The following CENPE variants were observed in gnomAD, a reference collection of about 807,000 sequenced individuals.
CENPE encodes centromere-associated protein E.
A neutral mutation model predicts 336.1 loss-of-function variants in CENPE; 145 were observed. The ratio of observed to expected loss-of-function variants is 0.43; its 90% CI spans 0.38 to 0.50. The LOEUF is 0.50. Among genes scored for constraint, CENPE ranks in the 20% least tolerant of loss-of-function variants. The pLI is 0.00. For synonymous variants in CENPE, 1,013 were observed against 984.8 expected, an observed-to-expected ratio of 1.03 and a Z score of -0.54; for missense variants, 2,719 against 3,023.3, an observed-to-expected ratio of 0.90 and a Z score of 2.36.
At chr4:103,181,587 A>G (rs1756332235) in intron 11 of CENPE, 131 bp from the exon 12 acceptor site, 1 of 648,166 alleles carries the variant, frequency 1.5e-6, no homozygotes, top group African/African-American at 1.9e-5. Flanking sequence ...AATACTTTTG[A>G]ACAAAGGGAA....
At chr4:103,139,712 T>G (rs1752372784) in intron 38 of CENPE, 77 bp downstream of exon 38, 1 of 1,323,870 alleles carries the variant, frequency 7.6e-7, no homozygotes, top group African/African-American at 1.5e-5. Flanking sequence ...GAGAAAGAAA[T>G]AAAAACATTG....
Position 103,159,266 on chromosome 4 carries a change from G to C in CENPE, c.2345C>G (p.Ser782Cys), listed in dbSNP as rs892824658. 1 of 1,586,168 alleles carries C rather than the reference G, an allele frequency of 6.3e-7. No homozygotes were observed. Among genetic ancestry groups the C allele is most frequent in the Non-Finnish European group, 8.6e-7 (1 of 1,168,726 alleles). Residue 782 changes from serine to cysteine, a missense_variant, in exon 22 of 49, where the codon TCT becomes TGT. Ser to Cys is a moderately radical substitution (Grantham distance 112). Transcript: ENST00000265148. Reference sequence around the variant, plus strand: ...TCTACTCTCCTTATGAACTACTTCAGAAAACAATTTATCTTTTTCTGATGT... The same window carrying C: ...TCTACTCTCCTTATGAACTACTTCACAAAACAATTTATCTTTTTCTGATGT... Reference protein sequence around the residue: ...IITSEKDKLFSEVVHKESRVQ... With the variant: ...IITSEKDKLFCEVVHKESRVQ...
At position 103,176,984 on chromosome 4, in the gene CENPE, G is replaced by A; in HGVS notation, c.1305C>T (p.Asn435=). Residue 435 remains asparagine (N), a synonymous_variant, in exon 14 of 49, where the codon AAC becomes AAT. Coordinates refer to ENST00000265148, the MANE Select transcript of CENPE (RefSeq NM_001813.3). ...LGKINKMKNS[N]YADQFNIPTN... ...TTGGTATATTAAATTGATCTGCATA[G>A]TTTGAGTTCTTCATTTTGTTAATTT... 6.2e-7 allele frequency: 1 copy of A among 1,607,572 alleles called. No homozygotes were observed. The highest frequency in any genetic ancestry group is 8.5e-7 in the Non-Finnish European group (1 of 1,177,040).
intron 16 of CENPE, among the ~76,000 whole-genome samples, chr4:103,163,891 T>C (rs899270784): frequency 2.6e-5 from 4 of 152,156 alleles, no homozygotes; most frequent in Admixed American, 6.5e-5. Flanking sequence ...AAAGTGGTAA[T>C]CAAACCTTGA....
chr4:103,145,377 G>A (rs890907416), intron 31 of CENPE, 43 bp from the exon 32 acceptor site: 43 of 1,375,948 alleles, frequency 3.1e-5, no homozygotes, highest in Non-Finnish European at 4.2e-5. Context: ...ATAAAAATAT[G>A]TAAACACACA....
rs61756293 is a variant in CENPE at position 103,106,248 on chromosome 4, C to T, written c.8080G>A (p.Asp2694Asn). The change falls in exon 49 of 49, where the codon GAT (aspartate) becomes AAT (asparagine). Residue 2694 changes from aspartate to asparagine, a missense_variant. Asp to Asn is a conservative substitution (Grantham distance 23, BLOSUM62 1). Transcript: ENST00000265148. ...PGPWHASSGK[D>N]VPECKTQ ...TACTGAGTTTTGCACTCAGGCACAT[C>T]CTTGCCTGAGGAGGCGTGCCAAGGA... 6.9e-4 allele frequency: 1,095 copies of T among 1,596,090 alleles called. 3 individuals are homozygous for T. In the Middle Eastern group the frequency reaches 0.011, roughly 16 times the overall value.
chr4:103,110,414 G>C (rs1255805051), intron 47 of CENPE, among the ~76,000 whole-genome samples: 1 of 152,050 alleles, frequency 6.6e-6, no homozygotes, highest in Non-Finnish European at 1.5e-5. Context: ...ATAGTAGAGT[G>C]CTTGGGGAAA....
Position 103,145,566 on chromosome 4 carries a change from A to G in CENPE, c.4529T>C (p.Ile1510Thr), listed in dbSNP as rs1415824217. ...LSEKETEIST[I>T]QKQLEAINDK... ...ATTGATTGCTTCTAACTGCTTTTGA[A>G]TGGTTGATATTTCAGTTTCCTTCTC... Residue 1510 changes from isoleucine to threonine, a missense_variant, in exon 31 of 49, where the codon ATT becomes ACT. Around this residue, in one of 5 missense-constraint regions of CENPE, gnomAD observed 2,437 missense variants for 2,513.3 expected, o/e 0.97. Transcript: ENST00000265148. 2 of 1,608,818 alleles carry G rather than the reference A, an allele frequency of 1.2e-6. No individual in the cohort carries two copies. Among genetic ancestry groups the G allele is most frequent in the Non-Finnish European group, 1.7e-6 (2 of 1,178,042 alleles).
At chr4:103,120,672 TAAAC>T (rs1750546893) in intron 43 of CENPE, among the ~76,000 whole-genome samples, 1 of 152,224 alleles carries the variant, frequency 6.6e-6, no homozygotes, top group Admixed American at 6.5e-5. Context: ...GAACACCACT[TAAAC>T]AAAGGACATT....
Position 103,133,844 on chromosome 4 carries a change from T to G in CENPE, c.6571A>C (p.Ile2191Leu), listed in dbSNP as rs111280115. The change falls in exon 41 of 49, where the codon ATC (isoleucine) becomes CTC (leucine). Residue 2191 changes from isoleucine (I) to leucine (L), a missense_variant. This residue lies in a region of CENPE where 2,437 missense variants were observed against 2,513.3 expected (regional missense o/e 0.97). Transcript: ENST00000265148. ...ATAAAATCCATTTCAAATTTATTGATGGATTCATGTTGTTCTTCTTTTATT... is the reference window on the plus strand; with the variant it reads ...ATAAAATCCATTTCAAATTTATTGAGGGATTCATGTTGTTCTTCTTTTATT... ...TKIKEEQHES[I>L]NKFEMDFIDE... 5.0e-6 allele frequency: 8 copies of G among 1,599,768 alleles called. No homozygotes were observed. The highest frequency in any genetic ancestry group is 6.8e-6 in the Non-Finnish European group (8 of 1,169,782).
rs140066427 is a variant in CENPE at position 103,167,658 on chromosome 4, A to G, written c.1648-4105T>C. 2.0e-3 allele frequency among the ~76,000 whole-genome samples: 308 copies of G among 152,292 alleles called. 1 individual carries two copies. The highest frequency in any genetic ancestry group is 7.2e-3 in the African/African-American group (301 of 41,560). ...GTGGGAGCCTTTGGATTCAGGTAGGAGGTTGTAAAACCCCAGTAGAACTCA... is the reference window on the plus strand; with the variant it reads ...GTGGGAGCCTTTGGATTCAGGTAGGGGGTTGTAAAACCCCAGTAGAACTCA... On this transcript the variant is annotated intron_variant, in intron 16 of 48. Transcript: ENST00000265148.
At chr4:103,183,898 T>C (rs976846336) in intron 9 of CENPE, among the ~76,000 whole-genome samples, 1 of 152,192 alleles carries the variant, frequency 6.6e-6, no homozygotes, top group Non-Finnish European at 1.5e-5. Context: ...TTTTGCACTT[T>C]GCTTTTTCTC....
chr4:103,144,465 T>C lies in CENPE; in HGVS notation c.5011A>G (p.Thr1671Ala), dbSNP rs565109242. ...TCAAGGTTTTCATGTAGTATCTGAG[T>C]CAACCTTATATTCTCCGTTTCTATG... ...ENIETENIRL[T>A]QILHENLEEM... Residue 1671 changes from threonine to alanine, a missense_variant, in exon 33 of 49, where the codon ACT becomes GCT. By Grantham distance (58) the Thr-to-Ala change is moderately conservative. Around this residue, in one of 5 missense-constraint regions of CENPE, gnomAD observed 2,437 missense variants for 2,513.3 expected, o/e 0.97. Coordinates refer to ENST00000265148, the MANE Select transcript of CENPE (RefSeq NM_001813.3). 1 of 1,614,152 alleles carries C rather than the reference T, an allele frequency of 6.2e-7. No homozygotes were observed. The highest frequency in any genetic ancestry group is 2.2e-5 in the East Asian group (1 of 44,878).
chr4:103,181,066 A>G (rs1756287355), intron 12 of CENPE, among the ~76,000 whole-genome samples: 1 of 151,952 alleles, frequency 6.6e-6, no homozygotes, highest in Non-Finnish European at 1.5e-5. Flanking sequence ...AAATTTTAAG[A>G]AATGTCTCTA....
chr4:103,192,156 C>G (rs893398302), intron 8 of CENPE, among the ~76,000 whole-genome samples: 11 of 152,094 alleles, frequency 7.2e-5, no homozygotes. Context: ...CGTTATTTCT[C>G]TCTGTGGAGA....
intron 1 of CENPE, among the ~76,000 whole-genome samples, chr4:103,197,490 C>T (rs1253033074): frequency 1.3e-5 from 2 of 152,132 alleles, no homozygotes; most frequent in Admixed American, 6.5e-5. Flanking sequence ...TTTATGTAGC[C>T]GTTTAAGGCA....
chr4:103,119,711 A>G (rs989809001), intron 44 of CENPE, among the ~76,000 whole-genome samples: 9 of 152,196 alleles, frequency 5.9e-5, no homozygotes, highest in African/African-American at 2.2e-4. Context: ...GTCTAATGAC[A>G]TTCAAGTTGA....
chr4:103,142,990 C>T lies in CENPE; in HGVS notation c.5304+258G>A, dbSNP rs934626201. On this transcript the variant is annotated intron_variant, in intron 34 of 48. Coordinates refer to ENST00000265148, the MANE Select transcript of CENPE (RefSeq NM_001813.3). ...TGCCGTTGCACTCCAGGCGACAGAG[C>T]GAGACTCTGTCTCAAAAAAAAAAAA... is the stretch of plus-strand genomic sequence containing the variant. Among the ~76,000 whole-genome samples, 3 of 115,436 alleles carry T rather than the reference C, an allele frequency of 2.6e-5. No homozygotes were observed. The South Asian group carries it at 8.5e-4, about 33-fold the overall frequency. 75.7% of individuals were successfully genotyped at this position (115,436 alleles called of 152,430 possible). A position where few individuals can be genotyped will look rare whatever the true frequency, so the allele number is the denominator to read the frequency against.
chr4:103,117,362 T>C (rs74668470), intron 44 of CENPE, among the ~76,000 whole-genome samples: 4,226 of 152,284 alleles, frequency 0.028, 191 homozygotes, highest in African/African-American at 0.094. Flanking sequence ...GTACATTCTG[T>C]GGGTTTTGAC....
Sources: allele counts gnomAD v4.1 joint callset (sites outside exome capture counted in the v4.1 genomes callset), GRCh38; gene constraint gnomAD v4.1.1; regional missense constraint gnomAD v4.1.1; transcripts MANE v1.5; gene names NCBI Gene and HGNC (gene_info 2026-07-23, HGNC 2026-07-21).